Variants in RAG1 observed in about 807,000 individuals in gnomAD.
RAG1 encodes V(D)J recombination-activating protein 1.
RAG1 carries 35 observed loss-of-function variants against 62.7 expected under a neutral mutation model. The ratio of observed to expected loss-of-function variants is 0.56; its 90% CI spans 0.43 to 0.74. The LOEUF (loss-of-function observed/expected upper bound fraction) is 0.74, where lower values mean the gene tolerates loss of function less well. RAG1 is among the 30% of genes least tolerant of loss of function. The probability of loss-of-function intolerance (pLI) is 0.00; values close to 1 mark genes in which losing one functional copy is unlikely to be tolerated. For missense variants in RAG1, 1,169 were observed against 1,278.6 expected, an observed-to-expected ratio of 0.91 and a Z score of 1.31; for synonymous variants, 461 against 470.3, an observed-to-expected ratio of 0.98 and a Z score of 0.26.
At chr11:36,518,773 T>G (rs1564974324) in intron 1 of RAG1, among the ~76,000 whole-genome samples, 3 of 152,222 alleles carry the variant, frequency 2.0e-5, no homozygotes, top group Admixed American at 6.5e-5. Flanking sequence ...TTGCAAAAAT[T>G]TTCTCCCATT....
intron 2 of RAG1, among the ~76,000 whole-genome samples, chr11:36,521,078 G>A (rs1024080609): frequency 1.3e-5 from 2 of 151,346 alleles, no homozygotes; most frequent in African/African-American, 4.9e-5. Context: ...CCCTGCCTCA[G>A]CCTCCTGAGT....
rs752257404 is a variant in RAG1, at chr11:36,574,258, C to T, written c.954C>T (p.Leu318=). 3 of 1,614,226 alleles carry T rather than the reference C, an allele frequency of 1.9e-6. No individual in the cohort carries two copies. Among genetic ancestry groups the T allele is most frequent in the African/African-American group, 2.7e-5 (2 of 75,056 alleles). The change falls in exon 2 of 2, where the codon CTC becomes CTT. Residue 318 remains leucine, a synonymous_variant. Transcript: ENST00000299440. ...ATGTCTTTTGCCGGGTCTGCATTCT[C>T]AGATGCCTCAAAGTCATGGGCAGCT... The part of the protein sequence containing the change: ...CKHVFCRVCI[L]RCLKVMGSYC...
intron 1 of RAG1, among the ~76,000 whole-genome samples, chr11:36,517,826 G>A (rs1015280069): frequency 4.6e-5 from 7 of 152,026 alleles, no homozygotes; most frequent in Non-Finnish European, 8.8e-5. Flanking sequence ...GAGAGTGTTC[G>A]CTTTTCTTTT....
chr11:36,575,211 A>T lies in RAG1; in HGVS notation c.1907A>T (p.His636Leu). 3 of 1,614,212 alleles carry T rather than the reference A, an allele frequency of 1.9e-6. No homozygotes were observed. Among genetic ancestry groups the T allele is most frequent in the Non-Finnish European group, 2.5e-6 (3 of 1,180,040 alleles). ...SFTIMKITIA[H>L]SSQNVKVFEE... ...ACAATCATGAAAATTACTATTGCCC[A>T]CAGCTCTCAGAATGTGAAAGTATTT... Residue 636 changes from histidine (H) to leucine (L), a missense_variant, in exon 2 of 2, where the codon CAC becomes CTC. His to Leu is a moderately conservative substitution (Grantham distance 99, BLOSUM62 -3). Coordinates refer to ENST00000299440, the MANE Select transcript of RAG1 (RefSeq NM_000448.3). The surrounding 1 kb of genome is among the most constrained non-coding windows in gnomAD (Gnocchi z 4.1).
intron 2 of RAG1, among the ~76,000 whole-genome samples, chr11:36,529,483 G>T (rs1860218265): frequency 6.6e-6 from 1 of 152,148 alleles, no homozygotes. Flanking sequence ...AGGTATTGAT[G>T]GAACGTATCT....
chr11:36,574,515 G>A lies in RAG1; in HGVS notation c.1211G>A (p.Arg404Gln), dbSNP rs750055861. ...CGCCAACATCTTCTGTCGCTGACTCGGAGAGCTCAGAAGCACCGGCTGAGG... is the reference window on the plus strand; with the variant it reads ...CGCCAACATCTTCTGTCGCTGACTCAGAGAGCTCAGAAGCACCGGCTGAGG... ...RPRQHLLSLTRRAQKHRLREL... is the reference protein window; with the variant it reads ...RPRQHLLSLTQRAQKHRLREL... The change falls in exon 2 of 2, where the codon CGG (arginine) becomes CAG (glutamine). Residue 404 changes from arginine (R) to glutamine (Q), a missense_variant. Arg to Gln is a conservative substitution (Grantham distance 43). Transcript: ENST00000299440. The A allele has an allele frequency of 1.9e-5, 31 of 1,614,228 alleles. No homozygotes were observed. Among genetic ancestry groups the A allele is most frequent in the Non-Finnish European group, 2.5e-5 (30 of 1,180,044 alleles).
intron 1 of RAG1, among the ~76,000 whole-genome samples, chr11:36,515,043 C>T (rs1001693883): frequency 1.3e-5 from 2 of 152,118 alleles, no homozygotes; most frequent in Non-Finnish European, 2.9e-5. Context: ...TCAGAGTGGG[C>T]ATACTCCTGA....
rs189982860 is a variant in RAG1, at chr11:36,535,677, G to A, written n.429-282G>A. 7.1e-3 allele frequency among the ~76,000 whole-genome samples: 1,076 copies of A among 152,132 alleles called. 7 individuals carry two copies. The highest frequency in any genetic ancestry group is 0.01 in the Non-Finnish European group (703 of 68,004). Reference sequence around the variant, plus strand: ...AAGAATTCACTTGAACCTGGGAGGTGGATGTTGCAGTGAGCCAAGATAGAG... The same window carrying A: ...AAGAATTCACTTGAACCTGGGAGGTAGATGTTGCAGTGAGCCAAGATAGAG... On this transcript the variant is annotated intron_variant and non_coding_transcript_variant, in intron 2 of 2. Transcript: ENST00000529126.
intron 3 of RAG1, among the ~76,000 whole-genome samples, chr11:36,561,839 C>G (rs893792726): frequency 1.3e-5 from 2 of 152,282 alleles, no homozygotes; most frequent in East Asian, 3.9e-4. Flanking sequence ...TTGTGTGAGC[C>G]AATTCCTCAT....
At chr11:36,525,446 G>A (rs1000754981) in intron 2 of RAG1, among the ~76,000 whole-genome samples, 1 of 151,992 alleles carries the variant, frequency 6.6e-6, no homozygotes. Context: ...CAGTATTTTG[G>A]TAAGAATTGT....
chr11:36,545,320 A>C (rs930349192), intron 3 of RAG1, among the ~76,000 whole-genome samples: 1 of 152,158 alleles, frequency 6.6e-6, no homozygotes, highest in Non-Finnish European at 1.5e-5. Flanking sequence ...ATATATGAAG[A>C]GGGAGTTAAG....
chr11:36,535,578 T>C (rs969846256), intron 2 of RAG1, among the ~76,000 whole-genome samples: 3 of 152,036 alleles, frequency 2.0e-5, no homozygotes, highest in African/African-American at 7.2e-5. Context: ...ACTTTGTCTT[T>C]ACTAAAAATT....
chr11:36,557,343 C>T (rs1224668786), intron 3 of RAG1, among the ~76,000 whole-genome samples: 3 of 111,314 alleles, frequency 2.7e-5, no homozygotes, highest in African/African-American at 9.1e-5. Flanking sequence ...GTCTGAAAAG[C>T]GCAATATTCG....
intron 2 of RAG1, among the ~76,000 whole-genome samples, chr11:36,530,010 C>T (rs944468367): frequency 6.6e-6 from 1 of 151,964 alleles, no homozygotes. Context: ...AATAACTATG[C>T]AACTACTTAA....
intron 2 of RAG1, among the ~76,000 whole-genome samples, chr11:36,532,648 C>A (rs551768043): frequency 6.6e-6 from 1 of 152,164 alleles, no homozygotes; most frequent in Non-Finnish European, 1.5e-5. Flanking sequence ...GCACACTGTT[C>A]TGAGAAGTGT....
At chr11:36,530,799 T>C (rs1271421996) in intron 2 of RAG1, among the ~76,000 whole-genome samples, 3 of 151,872 alleles carry the variant, frequency 2.0e-5, no homozygotes, top group Non-Finnish European at 4.4e-5. Flanking sequence ...TTGGATGGAG[T>C]GCTCTGTAAA....
rs920367625 is a variant in RAG1 at position 36,579,054 on chromosome 11, T to C, written c.*2618T>C. On this transcript the variant is annotated 3_prime_UTR_variant, in exon 2 of 2. Transcript: ENST00000299440. ...AGGTCAAAAGGAGCCTTGGGATTAA[T>C]AAACATGCACTGAGAAGCAAGAGGA... The C allele has an allele frequency of 4.2e-5, 7 of 167,088 alleles. No homozygotes were observed. Among genetic ancestry groups the C allele is most frequent in the Non-Finnish European group, 1.0e-4 (7 of 68,118 alleles). 10.4% of individuals were successfully genotyped at this position (167,088 alleles called of 1,614,324 possible). A position where few individuals can be genotyped will look rare whatever the true frequency, so the allele number is the denominator to read the frequency against.
At chr11:36,559,416 AAG>A (rs1187648754) in intron 3 of RAG1, among the ~76,000 whole-genome samples, 1 of 152,126 alleles carries the variant, frequency 6.6e-6, no homozygotes, top group East Asian at 1.9e-4. Flanking sequence ...CATATTTCCT[AAG>A]ACTTGAAAAG....
At chr11:36,546,830 G>A (rs1045361629) in intron 3 of RAG1, among the ~76,000 whole-genome samples, 1 of 151,996 alleles carries the variant, frequency 6.6e-6, no homozygotes, top group African/African-American at 2.4e-5. Context: ...TCTCTTTCAC[G>A]TATGAAGCTT....
Sources: allele counts gnomAD v4.1 joint callset (sites outside exome capture counted in the v4.1 genomes callset), GRCh38; gene constraint gnomAD v4.1.1; non-coding constraint Gnocchi (gnomAD v3.1); transcripts MANE v1.5; gene names NCBI Gene and HGNC (gene_info 2026-07-23, HGNC 2026-07-21).